Variants in NCKAP5 observed in about 807,000 individuals in gnomAD.
NCKAP5 encodes the protein NCK associated protein 5, also known as nck-associated protein 5.
In NCKAP5, 92 loss-of-function variants were observed where a neutral mutation model predicts 167.0. The observed-to-expected ratio is 0.55, with a 90% CI of 0.47 to 0.66. NCKAP5 has a LOEUF of 0.66. Ranked by LOEUF, NCKAP5 falls within the 30% of genes least tolerant of loss-of-function variation. The probability of loss-of-function intolerance (pLI) is 0.00; values close to 1 mark genes in which losing one functional copy is unlikely to be tolerated. For synonymous variants in NCKAP5, 891 were observed against 877.4 expected (o/e 1.02, Z -0.27); for missense variants, 2,378 against 2,315.0 (o/e 1.03, Z -0.56).
At chr2:133,220,001 A>G (rs1329751637) in intron 4 of NCKAP5, among the ~76,000 whole-genome samples, 1 of 152,186 alleles carries the variant, frequency 6.6e-6, no homozygotes, top group Non-Finnish European at 1.5e-5. Flanking sequence ...TGTGAAACCA[A>G]TTGGGACTAG....
At chr2:132,705,305 C>T (rs1460684836) in intron 19 of NCKAP5, among the ~76,000 whole-genome samples, 1 of 152,026 alleles carries the variant, frequency 6.6e-6, no homozygotes, top group Non-Finnish European at 1.5e-5. Flanking sequence ...TTATCTATAC[C>T]CTTTTATAGC....
rs529053789 is a variant in NCKAP5 at position 133,512,558 on chromosome 2, C to T, written c.69+4900G>A. 3.9e-5 allele frequency among the ~76,000 whole-genome samples: 6 copies of T among 152,300 alleles called. No individual in the cohort carries two copies. The East Asian group carries it at 7.7e-4, about 20-fold the overall frequency. On this transcript the variant is annotated intron_variant, in intron 3 of 19. Transcript: ENST00000409261. ...AAAGGTGAGCAGTTGTAACTACTCA[C>T]GTGGCCTGCAGAGCCTGAAATATTT...
chr2:133,438,539 A>C (rs922347600), intron 3 of NCKAP5, among the ~76,000 whole-genome samples: 4 of 152,234 alleles, frequency 2.6e-5, no homozygotes, highest in Non-Finnish European at 4.4e-5. Flanking sequence ...AAGTATAATA[A>C]GAGATATTTC....
At chr2:133,377,833 A>T (rs1022239023) in intron 3 of NCKAP5, among the ~76,000 whole-genome samples, 2 of 152,176 alleles carry the variant, frequency 1.3e-5, no homozygotes, top group African/African-American at 2.4e-5. Context: ...CAGGCTAGGG[A>T]TGGAGCCATC....
At chr2:132,728,572 A>G (rs554024643) in intron 18 of NCKAP5, among the ~76,000 whole-genome samples, 131 of 152,254 alleles carry the variant, frequency 8.6e-4, no homozygotes, top group African/African-American at 3.0e-3. Flanking sequence ...GTGCATCCAT[A>G]CCCAAGAATC....
At chr2:133,056,826 G>A (rs2079819405) in intron 6 of NCKAP5, among the ~76,000 whole-genome samples, 2 of 152,258 alleles carry the variant, frequency 1.3e-5, no homozygotes, top group South Asian at 4.1e-4. Context: ...TAGATCTGTA[G>A]CTCCAAAGTT....
intron 19 of NCKAP5, among the ~76,000 whole-genome samples, chr2:132,682,932 T>C (rs980014087): frequency 6.6e-6 from 1 of 151,628 alleles, no homozygotes; most frequent in African/African-American, 2.4e-5. Context: ...TTACCCAGGC[T>C]GGAGTGCAGT....
intron 16 of NCKAP5, among the ~76,000 whole-genome samples, chr2:132,747,991 T>C (rs555689025): frequency 5.3e-5 from 8 of 152,284 alleles, no homozygotes; most frequent in African/African-American, 1.9e-4. Context: ...ATGCTCTTGG[T>C]GGAAAGTAAC....
intron 19 of NCKAP5, among the ~76,000 whole-genome samples, chr2:132,724,059 C>G (rs1231206880): frequency 6.6e-6 from 1 of 152,170 alleles, no homozygotes; most frequent in Non-Finnish European, 1.5e-5. Context: ...AGAGCTTGCT[C>G]TGCCTCAAGT....
intron 4 of NCKAP5, among the ~76,000 whole-genome samples, chr2:133,299,359 T>G (rs954402166): frequency 6.6e-6 from 1 of 152,022 alleles, no homozygotes. Flanking sequence ...TGGATTTGGA[T>G]GAGGTCTAGC....
At chr2:133,164,004 A>G (rs1240360465) in intron 5 of NCKAP5, among the ~76,000 whole-genome samples, 7 of 152,204 alleles carry the variant, frequency 4.6e-5, no homozygotes, top group Admixed American at 6.5e-5. Context: ...CATCAATTGA[A>G]CGCCTACTTT....
At chr2:133,239,338 T>A (rs762779721) in intron 4 of NCKAP5, among the ~76,000 whole-genome samples, 1 of 152,174 alleles carries the variant, frequency 6.6e-6, no homozygotes, top group Non-Finnish European at 1.5e-5. Flanking sequence ...AGCCCATTTA[T>A]TTAGAGAAGC....
At chr2:133,197,263 C>G (rs1046270924) in intron 5 of NCKAP5, among the ~76,000 whole-genome samples, 1 of 152,022 alleles carries the variant, frequency 6.6e-6, no homozygotes, top group Admixed American at 6.6e-5. Flanking sequence ...ACAAAGAAGA[C>G]CAGAGACGAG....
intron 10 of NCKAP5, among the ~76,000 whole-genome samples, chr2:132,863,323 A>G (rs1479869546): frequency 6.6e-6 from 1 of 152,132 alleles, no homozygotes; most frequent in Admixed American, 6.5e-5. Context: ...CTCATTTGCA[A>G]CATAGAGATA....
At chr2:133,480,333 C>G (rs1018461064) in intron 3 of NCKAP5, among the ~76,000 whole-genome samples, 3 of 152,140 alleles carry the variant, frequency 2.0e-5, no homozygotes, top group African/African-American at 7.2e-5. Context: ...TATAGTTCTG[C>G]TTTCTCCTCC....
intron 8 of NCKAP5, among the ~76,000 whole-genome samples, chr2:132,956,117 T>C (rs1326618961): frequency 6.6e-6 from 1 of 152,226 alleles, no homozygotes; most frequent in Non-Finnish European, 1.5e-5. Flanking sequence ...AAATGTTAAG[T>C]ATGAGGTGAT....
Position 133,259,913 on chromosome 2 carries a change from C to T in NCKAP5, c.143+43124G>A, listed in dbSNP as rs558579244. Among the ~76,000 whole-genome samples, 212 of 152,030 alleles carry T rather than the reference C, an allele frequency of 1.4e-3. 1 individual carries two copies. The highest frequency in any genetic ancestry group is 4.8e-3 in the African/African-American group (197 of 41,472). ...TTAAACACTTACTAGGTATCAGGCA[C>T]TGAGAAAAAAAGGCAGCTGGAAATG... On this transcript the variant is annotated intron_variant, in intron 4 of 19. Transcript: ENST00000409261.
chr2:133,436,299 C>T (rs746845757), intron 3 of NCKAP5, among the ~76,000 whole-genome samples: 8 of 152,236 alleles, frequency 5.3e-5, no homozygotes, highest in Admixed American at 1.3e-4. Flanking sequence ...CGGTTTTATT[C>T]GGGATGGAAT....
the NCKAP5 span, among the ~76,000 whole-genome samples, chr2:133,671,214 C>CAAAAAAAAAAA: frequency 3.1e-4 from 17 of 53,978 alleles, no homozygotes; most frequent in East Asian, 4.8e-4. Context: ...GACTCCGTCT[C>CAAAAAAAAAAA]AAAAAAAAAA....
Sources: gnomAD v4.1 joint callset for allele counts (sites outside exome capture counted in the v4.1 genomes callset) on GRCh38, gnomAD v4.1.1 for gene constraint, MANE v1.5 for transcripts, NCBI Gene and HGNC (gene_info 2026-07-23, HGNC 2026-07-21) for gene names.